RDX: variants seen among roughly 807,000 people sequenced by gnomAD.
RDX encodes deafness, autosomal recessive 24.
RDX carries 32 observed loss-of-function variants against 83.7 expected under a neutral mutation model. The observed-to-expected ratio is 0.38, with a 90% confidence interval of 0.29 to 0.51. RDX has a LOEUF of 0.51. Among genes scored for constraint, RDX ranks in the 20% least tolerant of loss-of-function variants. The probability of loss-of-function intolerance (pLI) is 0.87; values close to 1 mark genes in which losing one functional copy is unlikely to be tolerated. For synonymous variants in RDX, 229 were observed against 222.7 expected (o/e 1.03, Z -0.25); for missense variants, 600 against 689.9 (o/e 0.87, Z 1.46).
Position 110,231,640 on chromosome 11 carries a change from A to G in RDX, c.*229T>C. 1 of 570,602 alleles carries G rather than the reference A, an allele frequency of 1.8e-6. No individual in the cohort carries two copies. The allele number at this position is 570,602 out of a possible 1,614,324, so 35.3% of individuals were successfully genotyped here. ...AAGAAAAAAAATGTGAAAAGAGGCA[A>G]TGGAACACCATTCTCCATTCCCTGG... On this transcript the variant is annotated 3_prime_UTR_variant, in exon 14 of 14. Coordinates refer to ENST00000645495, the MANE Select transcript of RDX (RefSeq NM_002906.4).
At chr11:110,182,436 A>G (rs950168199) in intron 15 of RDX, among the ~76,000 whole-genome samples, 4 of 152,160 alleles carry the variant, frequency 2.6e-5, no homozygotes, top group African/African-American at 9.7e-5. Context: ...CCCCGTCTCT[A>G]CTGAAAATAC....
rs149832663 is a variant in RDX, at chr11:110,230,554, T to TTCTC, written c.*1311_*1314dup. The TTCTC allele has an allele frequency of 0.48, 72,168 of 149,920 alleles. 18,119 individuals carry two copies. Among genetic ancestry groups the TTCTC allele is most frequent in the African/African-American group, 0.64 (25,921 of 40,604 alleles). 9.3% of individuals were successfully genotyped at this position (149,920 alleles called of 1,614,324 possible). A position where few individuals can be genotyped will look rare whatever the true frequency, so the allele number is the denominator to read the frequency against. Reference sequence around the variant, plus strand: ...TCTTCACATGCTACAAGGTTAGCATTTCTCTCTCTCATACACACACAGAGT... The same window carrying TTCTC: ...TCTTCACATGCTACAAGGTTAGCATTTCTCTCTCTCTCTCATACACACACAGAGT... On this transcript the variant is annotated 3_prime_UTR_variant, in exon 14 of 14. Transcript: ENST00000645495.
intron 10 of RDX, 43 bp from the exon 11 acceptor site, chr11:110,237,695 T>C (rs1421192277): frequency 1.3e-6 from 2 of 1,596,622 alleles, no homozygotes; most frequent in African/African-American, 2.7e-5. Flanking sequence ...TTAATTCCAA[T>C]CATTCTCATT....
intron 14 of RDX, among the ~76,000 whole-genome samples, chr11:110,202,890 CTGGTG>C (rs1565288809): frequency 6.6e-6 from 1 of 152,082 alleles, no homozygotes; most frequent in Non-Finnish European, 1.5e-5. Flanking sequence ...ATAACAAATG[CTGGTG>C]AGGATGTGAA....
At chr11:110,258,249 TTAAAAG>T (rs1859631646) in intron 5 of RDX, 60 bp from the exon 6 acceptor site, 10 of 1,133,960 alleles carry the variant, frequency 8.8e-6, no homozygotes, top group African/African-American at 1.6e-5. Context: ...AGCATACACT[TTAAAAG>T]TAAAGAATCC....
At chr11:110,286,384 A>T (rs1407466337) in intron 1 of RDX, among the ~76,000 whole-genome samples, 1 of 152,124 alleles carries the variant, frequency 6.6e-6, no homozygotes, top group Non-Finnish European at 1.5e-5. Flanking sequence ...CACAATAAAC[A>T]TTCTCTCCTT....
chr11:110,198,513 A>ACCT (rs1863281749), intron 15 of RDX, among the ~76,000 whole-genome samples: 1 of 152,212 alleles, frequency 6.6e-6, no homozygotes, highest in Non-Finnish European at 1.5e-5. Context: ...GTGAACAAGC[A>ACCT]TTATGGCCTG....
chr11:110,291,192 G>A (rs922423042), intron 1 of RDX, among the ~76,000 whole-genome samples: 2 of 152,144 alleles, frequency 1.3e-5, no homozygotes, highest in Non-Finnish European at 2.9e-5. Context: ...AAGCATGGTG[G>A]TGTGCACATG....
In RDX at chr11:110,263,948, T is replaced by C. The variant is rs1859911663; in HGVS notation, c.467+12A>G. The C allele has an allele frequency of 6.2e-7, 1 of 1,611,448 alleles. No homozygotes were observed. The highest frequency in any genetic ancestry group is 2.2e-5 in the East Asian group (1 of 44,860). On this transcript the variant is annotated intron_variant, in intron 5 of 13. Transcript: ENST00000645495. ...TTTCAGACAATATAATGCAAACGCA[T>C]GTTTCACTTACCGCTGGGGTAGGAG... is the stretch of plus-strand genomic sequence containing the variant.
In RDX at chr11:110,210,938, G is replaced by A. The variant is rs547551100; in HGVS notation, c.1749-11260C>T. Among the ~76,000 whole-genome samples, 4 of 150,782 alleles carry A rather than the reference G, an allele frequency of 2.7e-5. No homozygotes were observed. In the South Asian group the frequency reaches 6.4e-4, roughly 24 times the overall value. On this transcript the variant is annotated intron_variant, in intron 14 of 15. Coordinates refer to the RDX transcript ENST00000528498. Reference sequence around the variant, plus strand: ...CTAGGAAGAAACTGCATCAACTAACGAGCAAAATAACCAGCTAACATCATA... The same window carrying A: ...CTAGGAAGAAACTGCATCAACTAACAAGCAAAATAACCAGCTAACATCATA...
intron 14 of RDX, among the ~76,000 whole-genome samples, chr11:110,202,535 T>G (rs1028976054): frequency 2.0e-5 from 3 of 151,956 alleles, no homozygotes; most frequent in Non-Finnish European, 4.4e-5. Context: ...CCTCCCACCT[T>G]AGCCTCTCGA....
At position 110,233,393 on chromosome 11, in the gene RDX, T is replaced by C. The variant is rs762854401; in HGVS notation, c.1431A>G (p.Pro477=). The C allele has an allele frequency of 3.1e-6, 5 of 1,614,072 alleles. No individual in the cohort carries two copies. In the South Asian group the frequency reaches 5.5e-5, roughly 18 times the overall value. ...GTTCGTTTTCTGTTGGAGGAATGAC[T>C]GGTGGTGGTGGAGGTGGAGGGGGGG... ...MSAPPPPPPP[P]VIPPTENEHD... The change falls in exon 13 of 14, where the codon CCA becomes CCG. Residue 477 remains proline, a synonymous_variant. Transcript: ENST00000645495.
chr11:110,258,145 C>A lies in RDX; in HGVS notation c.512G>T (p.Arg171Ile). ...ATGTTCTTCATGCCAGTTCTGTATT[C>A]TTTCTTCCCACTGTTCTTTTGTTAG... ...HKLTKEQWEERIQNWHEEHRG... is the reference protein window; with the variant it reads ...HKLTKEQWEEIIQNWHEEHRG... The change falls in exon 6 of 14, where the codon AGA (arginine) becomes ATA (isoleucine). Residue 171 changes from arginine to isoleucine, a missense_variant. Physicochemically the swap from Arg to Ile is moderately conservative, Grantham distance 97. Transcript: ENST00000645495. The A allele has an allele frequency of 6.2e-7, 1 of 1,610,848 alleles. No individual in the cohort carries two copies. Among genetic ancestry groups the A allele is most frequent in the Non-Finnish European group, 8.5e-7 (1 of 1,178,482 alleles).
At chr11:110,202,916 C>G (rs879052420) in intron 14 of RDX, among the ~76,000 whole-genome samples, 3 of 152,024 alleles carry the variant, frequency 2.0e-5, no homozygotes, top group Non-Finnish European at 4.4e-5. Context: ...GAAAAGGGAA[C>G]CTTTGTACAC....
At chr11:110,266,193 C>T (rs965001352) in intron 3 of RDX, among the ~76,000 whole-genome samples, 5 of 151,466 alleles carry the variant, frequency 3.3e-5, no homozygotes, top group South Asian at 2.1e-4. Flanking sequence ...ATTAGCTGGG[C>T]GTGGTGGCAT....
chr11:110,218,623 G>A (rs1864140348), intron 14 of RDX, among the ~76,000 whole-genome samples: 3 of 152,054 alleles, frequency 2.0e-5, no homozygotes, highest in Non-Finnish European at 4.4e-5. Flanking sequence ...AGTATTTCAC[G>A]GTACTACCTT....
At chr11:110,223,691 G>GA (rs890019976) in intron 14 of RDX, among the ~76,000 whole-genome samples, 27 of 151,288 alleles carry the variant, frequency 1.8e-4, no homozygotes, top group African/African-American at 4.8e-4. Context: ...AAGTAAGAAA[G>GA]AAAAAAAAAT....
At chr11:110,268,538 C>T (rs1395960084) in intron 3 of RDX, among the ~76,000 whole-genome samples, 2 of 152,160 alleles carry the variant, frequency 1.3e-5, no homozygotes, top group African/African-American at 4.8e-5. Context: ...AGGTCAAAAG[C>T]AGCAGAGAGA....
chr11:110,219,777 G>A (rs1412580498), intron 14 of RDX, among the ~76,000 whole-genome samples: 1 of 152,186 alleles, frequency 6.6e-6, no homozygotes, highest in Non-Finnish European at 1.5e-5. Flanking sequence ...ATAAGTTTGA[G>A]ATGCTTATTA....
Sources: allele counts gnomAD v4.1 joint callset (sites outside exome capture counted in the v4.1 genomes callset), GRCh38; gene constraint gnomAD v4.1.1; transcripts MANE v1.5; gene names NCBI Gene and HGNC (gene_info 2026-07-23, HGNC 2026-07-21).